Variants in TSHZ1 observed in about 807,000 individuals in gnomAD.
TSHZ1 encodes the protein teashirt homolog 1.
Under a neutral mutation model 67.1 loss-of-function variants are expected in TSHZ1, and 12 were observed. The ratio of observed to expected loss-of-function variants is 0.18; its 90% CI spans 0.11 to 0.29. TSHZ1 has a LOEUF of 0.29. Among genes scored for constraint, TSHZ1 ranks in the 10% least tolerant of loss-of-function variants. The probability of loss-of-function intolerance (pLI) is 1.00; values close to 1 mark genes in which losing one functional copy is unlikely to be tolerated. For synonymous variants in TSHZ1, 632 were observed against 622.4 expected (o/e 1.02, Z -0.23); for missense variants, 1,305 against 1,413.9 (o/e 0.92, Z 1.23).
intron 1 of TSHZ1, among the ~76,000 whole-genome samples, chr18:75,249,691 C>T (rs555521568): frequency 6.9e-6 from 1 of 145,860 alleles, no homozygotes; most frequent in African/African-American, 2.6e-5. Context: ...TCCTCCCTGC[C>T]TCACTCCTGC....
At position 75,287,966 on chromosome 18, in the gene TSHZ1, C is replaced by G. The variant is rs754637432; in HGVS notation, c.2559C>G (p.Pro853=). 6.2e-7 allele frequency: 1 copy of G among 1,614,206 alleles called. No homozygotes were observed. The highest frequency in any genetic ancestry group is 8.5e-7 in the Non-Finnish European group (1 of 1,180,032). The change falls in exon 2 of 2, where the codon CCC becomes CCG. Residue 853 remains proline (P), a synonymous_variant. Coordinates refer to ENST00000580243, the MANE Select transcript of TSHZ1 (RefSeq NM_001308210.2). This position sits in a 1 kb window ranked among gnomAD's most constrained non-coding sequence, Gnocchi z 5.0. ...MVKNLTGRLT[P]KSSTPSTVSE... is the part of the protein sequence containing the mutation. The stretch of plus-strand genomic sequence containing the variant: ...AAAACCTCACAGGCCGCCTGACGCC[C>G]AAGTCCTCCACGCCCTCCACAGTTT...
At chr18:75,253,851 C>A (rs970219491) in intron 1 of TSHZ1, among the ~76,000 whole-genome samples, 2 of 152,218 alleles carry the variant, frequency 1.3e-5, no homozygotes, top group Non-Finnish European at 2.9e-5. Flanking sequence ...AGATATTGTT[C>A]AGATGTGCTG....
intron 1 of TSHZ1, chr18:75,280,954 C>A: frequency 2.4e-6 from 1 of 408,988 alleles, no homozygotes; most frequent in Non-Finnish European, 3.3e-6. Flanking sequence ...TCGGGGAGGG[C>A]TGGCATCCAG....
chr18:75,225,645 G>A (rs917048460), intron 1 of TSHZ1, among the ~76,000 whole-genome samples: 3 of 151,972 alleles, frequency 2.0e-5, no homozygotes, highest in African/African-American at 7.2e-5. Flanking sequence ...TCCACATTCC[G>A]AGCCTGAAGG....
intron 1 of TSHZ1, among the ~76,000 whole-genome samples, chr18:75,278,364 G>A (rs527897699): frequency 2.2e-4 from 33 of 152,340 alleles, no homozygotes; most frequent in African/African-American, 7.2e-4. Context: ...GGAGGCCAAG[G>A]TGCTGGGTTG....
At chr18:75,223,283 C>G (rs1303680259) in intron 1 of TSHZ1, among the ~76,000 whole-genome samples, 1 of 152,118 alleles carries the variant, frequency 6.6e-6, no homozygotes, top group African/African-American at 2.4e-5. Context: ...AATACAAAAG[C>G]AGTGGATGGG....
At chr18:75,222,297 T>G (rs2022856764) in intron 1 of TSHZ1, among the ~76,000 whole-genome samples, 2 of 152,142 alleles carry the variant, frequency 1.3e-5, no homozygotes, top group South Asian at 4.2e-4. Flanking sequence ...AGAATTTATT[T>G]TAGAAAAAGG....
intron 1 of TSHZ1, among the ~76,000 whole-genome samples, chr18:75,226,722 C>T (rs2022930922): frequency 6.6e-6 from 1 of 152,086 alleles, no homozygotes; most frequent in South Asian, 2.1e-4. Context: ...CAGTGTCAGC[C>T]CCTGACAGAA....
chr18:75,265,965 G>A (rs572453710), intron 1 of TSHZ1, among the ~76,000 whole-genome samples: 4 of 152,288 alleles, frequency 2.6e-5, no homozygotes, highest in African/African-American at 9.6e-5. Flanking sequence ...GGAAAGAACC[G>A]AGCCTTCTAG....
intron 1 of TSHZ1, among the ~76,000 whole-genome samples, chr18:75,243,787 A>G (rs1469145058): frequency 6.6e-6 from 1 of 152,154 alleles, no homozygotes; most frequent in Non-Finnish European, 1.5e-5. Context: ...TTTTTTATGT[A>G]CTATGTGTGC....
chr18:75,212,348 CAGA>C (rs1031268844), intron 1 of TSHZ1, among the ~76,000 whole-genome samples: 2 of 152,114 alleles, frequency 1.3e-5, no homozygotes, highest in African/African-American at 4.8e-5. Flanking sequence ...AGAATGTGTT[CAGA>C]AGATTTCTCT....
At chr18:75,260,963 G>A (rs75730700) in intron 1 of TSHZ1, among the ~76,000 whole-genome samples, 2,334 of 152,104 alleles carry the variant, frequency 0.015, 55 homozygotes, top group African/African-American at 0.051. Context: ...TCCATGGGAC[G>A]CGCGTCCCTT....
Position 75,287,835 on chromosome 18 carries a change from A to G in TSHZ1, c.2428A>G (p.Ile810Val), listed in dbSNP as rs1341627133. The change falls in exon 2 of 2, where the codon ATT (isoleucine) becomes GTT (valine). Residue 810 changes from isoleucine to valine, a missense_variant. Physicochemically the swap from Ile to Val is conservative, Grantham distance 29. Coordinates refer to ENST00000580243, the MANE Select transcript of TSHZ1 (RefSeq NM_001308210.2). This position sits in a 1 kb window ranked among gnomAD's most constrained non-coding sequence, Gnocchi z 5.0. ...RYYYENSDQP[I>V]DLTKSKNKPL... is the part of the protein sequence containing the mutation. ...CTATTATGAAAACAGCGACCAGCCC[A>G]TTGACTTAACCAAGTCCAAGAACAA... The G allele has an allele frequency of 8.1e-6, 13 of 1,614,020 alleles. No individual in the cohort carries two copies. The highest frequency in any genetic ancestry group is 1.7e-5 in the Admixed American group (1 of 60,012).
At position 75,280,911 on chromosome 18, in the gene TSHZ1, G is replaced by A. The variant is rs902727277; in HGVS notation, c.41-4537G>A. 10 of 779,622 alleles carry A rather than the reference G, an allele frequency of 1.3e-5. No individual in the cohort carries two copies. In the African/African-American group the frequency reaches 1.7e-4, roughly 13 times the overall value. The allele number at this position is 779,622 out of a possible 1,614,324, so 48.3% of individuals were successfully genotyped here. A position where few individuals can be genotyped will look rare whatever the true frequency, so the allele number is the denominator to read the frequency against. Reference sequence around the variant, plus strand: ...CCTTTGAGCCTCCCTGGAGGGATGAGGGAGGGCCCAGTAGCTCACACCAGG... The same window carrying A: ...CCTTTGAGCCTCCCTGGAGGGATGAAGGAGGGCCCAGTAGCTCACACCAGG... On this transcript the variant is annotated intron_variant, in intron 1 of 1. Transcript: ENST00000580243.
In TSHZ1 at chr18:75,287,894, A is replaced by G; in HGVS notation, c.2487A>G (p.Ala829=). ...PLVSSVADSV[A]SPLRESALMD... ...TGTCCAGCGTGGCTGATTCGGTGGC[A>G]TCACCTCTGCGGGAGAGCGCACTCA... Residue 829 remains alanine, a synonymous_variant, in exon 2 of 2, where the codon GCA becomes GCG. Transcript: ENST00000580243. This position sits in a 1 kb window ranked among gnomAD's most constrained non-coding sequence, Gnocchi z 5.0. The G allele has an allele frequency of 1.9e-6, 3 of 1,614,196 alleles. No homozygotes were observed. In the South Asian group the frequency reaches 3.3e-5, roughly 18 times the overall value.
intron 1 of TSHZ1, among the ~76,000 whole-genome samples, chr18:75,218,353 T>A (rs1462710579): frequency 2.0e-5 from 3 of 152,216 alleles, no homozygotes; most frequent in African/African-American, 7.2e-5. Flanking sequence ...ACTTTGTTAG[T>A]TCTTAGCTAT....
intron 1 of TSHZ1, among the ~76,000 whole-genome samples, chr18:75,254,086 TA>T (rs1448923460): frequency 6.6e-6 from 1 of 152,224 alleles, no homozygotes; most frequent in African/African-American, 2.4e-5. Context: ...TAAGCTAATG[TA>T]AAATATTTTC....
chr18:75,226,127 A>C, intron 1 of TSHZ1, among the ~76,000 whole-genome samples: 1 of 152,378 alleles, frequency 6.6e-6, no homozygotes, highest in South Asian at 2.1e-4. Context: ...TATATCAAAT[A>C]TAAACATATG....
At position 75,287,685 on chromosome 18, in the gene TSHZ1, G is replaced by T; in HGVS notation, c.2278G>T (p.Val760Leu). The T allele has an allele frequency of 4.3e-6, 7 of 1,614,166 alleles. No individual in the cohort carries two copies. The highest frequency in any genetic ancestry group is 5.9e-6 in the Non-Finnish European group (7 of 1,180,036). ...CATCATGAACACCCACCTGGGCAAGGTGTCCAAGCCCGTGAGTCCCTCGCT... is the reference window on the plus strand; with the variant it reads ...CATCATGAACACCCACCTGGGCAAGTTGTCCAAGCCCGTGAGTCCCTCGCT... ...QSIMNTHLGK[V>L]SKPVSPSLDP... The change falls in exon 2 of 2, where the codon GTG becomes TTG. Residue 760 changes from valine to leucine, a missense_variant. Physicochemically the swap from Val to Leu is conservative, Grantham distance 32 (BLOSUM62 1). Around this residue, in one of 3 missense-constraint regions of TSHZ1, gnomAD observed 909 missense variants for 961.8 expected, o/e 0.95. Transcript: ENST00000580243. This position sits in a 1 kb window ranked among gnomAD's most constrained non-coding sequence, Gnocchi z 5.0.
Sources: gnomAD v4.1 joint callset for allele counts (sites outside exome capture counted in the v4.1 genomes callset) on GRCh38, gnomAD v4.1.1 for gene constraint, gnomAD v4.1.1 regional missense constraint, Gnocchi (gnomAD v3.1) non-coding constraint, MANE v1.5 for transcripts, NCBI Gene and HGNC (gene_info 2026-07-23, HGNC 2026-07-21) for gene names.